Variants in KIAA1217 observed in about 807,000 individuals in gnomAD.
The protein encoded by KIAA1217 is sickle tail protein homolog.
In KIAA1217, 88 loss-of-function variants were observed where a neutral mutation model predicts 163.9. The ratio of observed to expected loss-of-function variants is 0.54; its 90% CI spans 0.45 to 0.64. The LOEUF is 0.64. KIAA1217 is among the 30% of genes least tolerant of loss of function. The pLI, the probability that KIAA1217 is intolerant of heterozygous loss-of-function variation, is 0.00. For missense variants in KIAA1217, 2,372 were observed against 2,475.0 expected, an observed-to-expected ratio of 0.96 and a Z score of 0.88; for synonymous variants, 903 against 923.1, an observed-to-expected ratio of 0.98 and a Z score of 0.39.
At chr10:24,536,417 T>G (rs1335115440) in intron 16 of KIAA1217, among the ~76,000 whole-genome samples, 1 of 152,166 alleles carries the variant, frequency 6.6e-6, no homozygotes, top group Non-Finnish European at 1.5e-5. Context: ...AAAAGAAAGA[T>G]AGTTTTTTGT....
intron 1 of KIAA1217, among the ~76,000 whole-genome samples, chr10:23,726,884 A>T (rs892344037): frequency 6.6e-6 from 1 of 152,074 alleles, no homozygotes; most frequent in African/African-American, 2.4e-5. Context: ...TAGAAAAGTA[A>T]AGAATTTCTT....
intron 2 of KIAA1217, among the ~76,000 whole-genome samples, chr10:24,253,736 G>GA (rs1217554905): frequency 7.6e-4 from 102 of 133,850 alleles, no homozygotes; most frequent in Middle Eastern, 3.7e-3. Context: ...TGTCTCCAAA[G>GA]AAAAAAAAAA....
At chr10:24,216,080 A>G (rs2068776035) in intron 1 of KIAA1217, among the ~76,000 whole-genome samples, 1 of 152,186 alleles carries the variant, frequency 6.6e-6, no homozygotes, top group Non-Finnish European at 1.5e-5. Context: ...GAAAAGCAAC[A>G]TGAGGTGAAA....
intron 5 of KIAA1217, among the ~76,000 whole-genome samples, chr10:24,452,532 A>G (rs2061456574): frequency 6.7e-6 from 1 of 150,054 alleles, no homozygotes; most frequent in African/African-American, 2.5e-5. Context: ...AAAAAAAAAA[A>G]TTAGCTGGGC....
At chr10:23,941,714 G>T (rs1168994849) in intron 1 of KIAA1217, among the ~76,000 whole-genome samples, 2 of 152,134 alleles carry the variant, frequency 1.3e-5, no homozygotes, top group African/African-American at 4.8e-5. Context: ...AAAGTGGCAG[G>T]TGAATGATTT....
chr10:24,339,168 T>C (rs2046756971), intron 2 of KIAA1217, among the ~76,000 whole-genome samples: 1 of 152,200 alleles, frequency 6.6e-6, no homozygotes, highest in South Asian at 2.1e-4. Flanking sequence ...CTATTTTCCT[T>C]ATCTCTAATT....
At position 23,695,008 on chromosome 10, in the gene KIAA1217, G is replaced by T. The variant is rs1027478132; in HGVS notation, c.-547G>T. ...GCAGCGCCCTGCGCAGCATCCCCGG[G>T]CTGCCAGAAGAGGCCACCACTCGGC... On this transcript the variant is annotated 5_prime_UTR_variant, in exon 1 of 19. Transcript: ENST00000376462. The surrounding 1 kb of genome is among the most constrained non-coding windows in gnomAD (Gnocchi z 4.9). 1 of 152,200 alleles carries T rather than the reference G, an allele frequency of 6.6e-6. No individual in the cohort carries two copies. Among genetic ancestry groups the T allele is most frequent in the Non-Finnish European group, 1.5e-5 (1 of 68,046 alleles). The allele number at this position is 152,200 out of a possible 1,614,324, so 9.4% of individuals were successfully genotyped here.
chr10:24,436,080 C>A (rs187716224), intron 4 of KIAA1217, among the ~76,000 whole-genome samples: 1 of 151,918 alleles, frequency 6.6e-6, no homozygotes, highest in Non-Finnish European at 1.5e-5. Context: ...AGGTTTGTCT[C>A]GAACTCCTGA....
chr10:24,188,965 G>A (rs934996839), intron 2 of KIAA1217, among the ~76,000 whole-genome samples: 4 of 151,940 alleles, frequency 2.6e-5, no homozygotes, highest in Non-Finnish European at 5.9e-5. Flanking sequence ...AATTAGCCGG[G>A]CGTGGTGGCA....
rs191424729 is a variant in KIAA1217, at chr10:24,243,779, T to C, written c.354+23870T>C. ...CATCTATGAATGTATACAATATTCATATATATGAATATATAAGAATGAATA... is the reference window on the plus strand; with the variant it reads ...CATCTATGAATGTATACAATATTCACATATATGAATATATAAGAATGAATA... On this transcript the variant is annotated intron_variant, in intron 2 of 20. Transcript: ENST00000376454. Among the ~76,000 whole-genome samples the C allele has an allele frequency of 2.2e-3, 331 of 152,174 alleles. 3 individuals carry two copies. Among genetic ancestry groups the C allele is most frequent in the Non-Finnish European group, 3.0e-3 (203 of 68,016 alleles).
chr10:23,754,657 C>T (rs998258083), intron 1 of KIAA1217, among the ~76,000 whole-genome samples: 1 of 152,148 alleles, frequency 6.6e-6, no homozygotes, highest in Non-Finnish European at 1.5e-5. Flanking sequence ...TGTCCTGCAT[C>T]TCGAGGATAA....
intron 11 of KIAA1217, among the ~76,000 whole-genome samples, chr10:24,520,641 AAAAAAAAAAAATATATAT>A (rs2070989362): frequency 1.1e-5 from 1 of 87,076 alleles, no homozygotes; most frequent in African/African-American, 6.0e-5. Context: ...AAAAAAAAAA[AAAAAAAAAAAATATATAT>A]ATATATATAT....
upstream of KIAA1217, among the ~76,000 whole-genome samples, chr10:24,206,473 A>G (rs530930707): frequency 1.9e-4 from 29 of 152,340 alleles, no homozygotes; most frequent in South Asian, 5.8e-3. Flanking sequence ...TTCCAGAGAC[A>G]CTGACAATCA....
At chr10:24,344,067 C>T (rs1480228328) in intron 2 of KIAA1217, among the ~76,000 whole-genome samples, 3 of 152,130 alleles carry the variant, frequency 2.0e-5, no homozygotes, top group African/African-American at 7.2e-5. Context: ...AATGAAGAGG[C>T]CTCTTTGTTT....
Position 24,501,512 on chromosome 10 carries a change from C to A in KIAA1217, c.1968C>A (p.Leu656=), listed in dbSNP as rs1419888409. ...AGATGAGGCGGAGCGTGGCGGAACT[C>A]AGGCTCCAGCTCCAGCAGATGCGGC... ...LLEMRRSVAE[L]RLQLQQMRQL... is the part of the protein sequence containing the mutation. The change falls in exon 9 of 21, where the codon CTC becomes CTA. Residue 656 remains leucine (L), a synonymous_variant. Transcript: ENST00000376454. 1 of 1,613,800 alleles carries A rather than the reference C, an allele frequency of 6.2e-7. No homozygotes were observed. The highest frequency in any genetic ancestry group is 1.1e-5 in the South Asian group (1 of 91,022).
rs576916794 is a variant in KIAA1217 at position 23,739,063 on chromosome 10, C to A, written c.-321+43829C>A. On this transcript the variant is annotated intron_variant, in intron 1 of 18. Coordinates refer to the KIAA1217 transcript ENST00000376462. The stretch of plus-strand genomic sequence containing the variant: ...TATATATGCACAATGAAATACTATT[C>A]ACCTATAAAAAGGAATTAAGTCATG... Among the ~76,000 whole-genome samples the A allele has an allele frequency of 7.2e-5, 11 of 152,256 alleles. No homozygotes were observed. In the South Asian group the frequency reaches 1.5e-3, roughly 20 times the overall value.
At chr10:23,778,859 G>A (rs957267009) in intron 1 of KIAA1217, among the ~76,000 whole-genome samples, 1 of 152,104 alleles carries the variant, frequency 6.6e-6, no homozygotes, top group African/African-American at 2.4e-5. Context: ...TTTATATATG[G>A]TCTGGCCACA....
intron 2 of KIAA1217, among the ~76,000 whole-genome samples, chr10:24,197,514 C>A (rs1375804973): frequency 6.6e-6 from 1 of 152,240 alleles, no homozygotes; most frequent in Non-Finnish European, 1.5e-5. Flanking sequence ...CAAAGTCAAT[C>A]AGGGAAAAGA....
At chr10:24,469,849 TG>T (rs1460845064) in intron 5 of KIAA1217, among the ~76,000 whole-genome samples, 1 of 152,200 alleles carries the variant, frequency 6.6e-6, no homozygotes, top group Non-Finnish European at 1.5e-5. Flanking sequence ...TGACCTCAAG[TG>T]ATCCGCCTGC....
Sources: gnomAD v4.1 joint callset for allele counts (sites outside exome capture counted in the v4.1 genomes callset) on GRCh38, gnomAD v4.1.1 for gene constraint, Gnocchi (gnomAD v3.1) non-coding constraint, MANE v1.5 for transcripts, NCBI Gene and HGNC (gene_info 2026-07-23, HGNC 2026-07-21) for gene names.